The following ATP6V1G1 variants were observed in gnomAD, a reference collection of about 807,000 sequenced individuals.
ATP6V1G1 encodes ATPase H+ transporting V1 subunit G1, also known as V-type proton ATPase subunit G 1.
ATP6V1G1 carries 14 observed loss-of-function variants against 14.2 expected under a neutral mutation model. The ratio of observed to expected loss-of-function variants is 0.99; its 90% CI spans 0.65 to 1.55. The LOEUF (loss-of-function observed/expected upper bound fraction) is 1.55. Among genes scored for constraint, ATP6V1G1 ranks in the 40% most tolerant of loss-of-function variants. ATP6V1G1 has a pLI of 0.00. For synonymous variants in ATP6V1G1, 65 were observed against 53.3 expected (o/e 1.22, Z -0.96); for missense variants, 137 against 146.4 (o/e 0.94, Z 0.33).
At chr9:114,593,119 A>C (rs1170772943) in intron 2 of ATP6V1G1, among the ~76,000 whole-genome samples, 1 of 152,242 alleles carries the variant, frequency 6.6e-6, no homozygotes, top group Non-Finnish European at 1.5e-5. Context: ...GATGTAGGCT[A>C]TACTATGGTG....
chr9:114,588,015 GGTGCGGGC>G, intron 1 of ATP6V1G1, 95 bp downstream of exon 1: 1 of 1,333,048 alleles, frequency 7.5e-7, no homozygotes, highest in Non-Finnish European at 1.0e-6. Flanking sequence ...AAAACTGCGG[GGTGCGGGC>G]GTGCGTATAG....
At chr9:114,596,569 T>G (rs1201731087) in intron 2 of ATP6V1G1, among the ~76,000 whole-genome samples, 1 of 152,146 alleles carries the variant, frequency 6.6e-6, no homozygotes, top group African/African-American at 2.4e-5. Flanking sequence ...ACTTAAGAAC[T>G]AAAACACTAA....
intron 2 of ATP6V1G1, among the ~76,000 whole-genome samples, chr9:114,594,391 T>C (rs1040710447): frequency 6.6e-6 from 1 of 151,180 alleles, no homozygotes; most frequent in African/African-American, 2.4e-5. Flanking sequence ...TTTTTTTTTT[T>C]TTTCCTGTCC....
In ATP6V1G1 at chr9:114,591,681, C is replaced by T. The variant is rs78843556; in HGVS notation, c.83-871C>T. Among the ~76,000 whole-genome samples the T allele has an allele frequency of 4.1e-4, 62 of 152,250 alleles. No homozygotes were observed. In the East Asian group the frequency reaches 0.011, roughly 28 times the overall value. On this transcript the variant is annotated intron_variant, in intron 1 of 2. Coordinates refer to ENST00000374050, the MANE Select transcript of ATP6V1G1 (RefSeq NM_004888.4). ...GGATGTGGAAGGTTAAGTTCATTTT[C>T]ACTCATTCGCGTGGACTCTAGACAG...
intron 2 of ATP6V1G1, among the ~76,000 whole-genome samples, chr9:114,597,054 G>A (rs1480851488): frequency 4.1e-5 from 6 of 145,016 alleles, no homozygotes; most frequent in South Asian, 4.5e-4. Flanking sequence ...GCAGTGGCGC[G>A]ATCTTGGCTC....
intron 2 of ATP6V1G1, among the ~76,000 whole-genome samples, chr9:114,594,743 G>C (rs1172055713): frequency 6.6e-6 from 1 of 151,980 alleles, no homozygotes; most frequent in African/African-American, 2.4e-5. Flanking sequence ...AGGTCCCAAT[G>C]ACATGTGCCC....
In ATP6V1G1 at chr9:114,598,382, C is replaced by T. The variant is rs1327671293; in HGVS notation, c.*639C>T. ...AAAGACTCTGTCATGCATTTTTCCC[C>T]ATTCTTTTTTTTTTCCCTGTCTCCG... is the stretch of plus-strand genomic sequence containing the variant. On this transcript the variant is annotated 3_prime_UTR_variant, in exon 3 of 3. Coordinates refer to ENST00000374050, the MANE Select transcript of ATP6V1G1 (RefSeq NM_004888.4). The T allele has an allele frequency of 6.6e-6, 1 of 152,296 alleles. No homozygotes were observed. Among genetic ancestry groups the T allele is most frequent in the East Asian group, 1.9e-4 (1 of 5,152 alleles). 9.4% of individuals were successfully genotyped at this position (152,296 alleles called of 1,614,324 possible). A position where few individuals can be genotyped will look rare whatever the true frequency, so the allele number is the denominator to read the frequency against.
At chr9:114,588,256 A>G (rs1191631902) in intron 1 of ATP6V1G1, 1 of 278,066 alleles carries the variant, frequency 3.6e-6, no homozygotes, top group Non-Finnish European at 6.7e-6. Context: ...CGGTGAAGGG[A>G]GCCAGCATCC....
At chr9:114,595,425 G>A (rs986101019) in intron 2 of ATP6V1G1, among the ~76,000 whole-genome samples, 5 of 152,174 alleles carry the variant, frequency 3.3e-5, no homozygotes, top group African/African-American at 1.2e-4. Context: ...GCCAAGGTGG[G>A]TGGATCGTTT....
chr9:114,589,261 G>C (rs1845159968), intron 1 of ATP6V1G1, among the ~76,000 whole-genome samples: 1 of 152,280 alleles, frequency 6.6e-6, no homozygotes, highest in South Asian at 2.1e-4. Context: ...TAAGCTTCTG[G>C]AGAACAGAAA....
At position 114,592,609 on chromosome 9, in the gene ATP6V1G1, A is replaced by G. The variant is rs1338438652; in HGVS notation, c.140A>G (p.Tyr47Cys). ...GAAGCTCAGGCTGAAATTGAACAGT[A>G]CCGCCTGCAGAGGGAGAAAGAATTC... ...KEEAQAEIEQ[Y>C]RLQREKEFKA... is the part of the protein sequence containing the mutation. Residue 47 changes from tyrosine to cysteine, a missense_variant, in exon 2 of 3, where the codon TAC becomes TGC. By Grantham distance (194) the Tyr-to-Cys change is radical. Coordinates refer to ENST00000374050, the MANE Select transcript of ATP6V1G1 (RefSeq NM_004888.4). The G allele has an allele frequency of 3.2e-6, 5 of 1,577,930 alleles. No individual in the cohort carries two copies. Among genetic ancestry groups the G allele is most frequent in the Non-Finnish European group, 4.3e-6 (5 of 1,160,932 alleles).
At chr9:114,589,370 A>G (rs749392734) in intron 1 of ATP6V1G1, among the ~76,000 whole-genome samples, 4 of 152,212 alleles carry the variant, frequency 2.6e-5, no homozygotes, top group African/African-American at 9.6e-5. Context: ...TCAGAGAGAA[A>G]TGATTTATCC....
At chr9:114,588,436 GGCGTGTGT>G (rs143566536) in intron 1 of ATP6V1G1, among the ~76,000 whole-genome samples, 15,243 of 151,686 alleles carry the variant, frequency 0.1, 931 homozygotes, top group East Asian at 0.36. Context: ...CTAAATCGTT[GGCGTGTGT>G]GCGTGTGTGT....
At chr9:114,597,215 C>T (rs1845248871) in intron 2 of ATP6V1G1, among the ~76,000 whole-genome samples, 1 of 152,012 alleles carries the variant, frequency 6.6e-6, no homozygotes, top group African/African-American at 2.4e-5. Flanking sequence ...TGGTCTCGAT[C>T]TCCTGACCTC....
intron 2 of ATP6V1G1, among the ~76,000 whole-genome samples, chr9:114,593,663 AT>A (rs368232050): frequency 8.4e-4 from 125 of 149,600 alleles, no homozygotes; most frequent in African/African-American, 2.3e-3. Context: ...TGCTCAGCTA[AT>A]TTTTTTTTTG....
At position 114,597,725 on chromosome 9, in the gene ATP6V1G1, C is replaced by A; in HGVS notation, c.339C>A (p.Asn113Lys). Residue 113 changes from asparagine (N) to lysine (K), a missense_variant, in exon 3 of 3, where the codon AAC (asparagine) becomes AAA (lysine). Coordinates refer to ENST00000374050, the MANE Select transcript of ATP6V1G1 (RefSeq NM_004888.4). ...ACATTCGGCCAGAAATCCATGAAAA[C>A]TACCGCATAAATGGATAGAAGAGAG... ...VCDIRPEIHE[N>K]YRING The A allele has an allele frequency of 6.3e-7, 1 of 1,587,748 alleles. No homozygotes were observed. The highest frequency in any genetic ancestry group is 2.3e-5 in the East Asian group (1 of 43,250).
chr9:114,596,164 A>C (rs1437075165), intron 2 of ATP6V1G1, among the ~76,000 whole-genome samples: 1 of 152,092 alleles, frequency 6.6e-6, no homozygotes, highest in African/African-American at 2.4e-5. Flanking sequence ...CAGATGGATC[A>C]TGAGGTCAGG....
In ATP6V1G1 at chr9:114,596,973, T is replaced by TATATAGCAG. The variant is rs1407997395; in HGVS notation, c.184-594_184-586dup. Among the ~76,000 whole-genome samples, 689 of 151,050 alleles carry TATATAGCAG rather than the reference T, an allele frequency of 4.6e-3. 9 individuals are homozygous for TATATAGCAG. Among genetic ancestry groups the TATATAGCAG allele is most frequent in the African/African-American group, 0.016 (641 of 41,138 alleles). On this transcript the variant is annotated intron_variant, in intron 2 of 2. Transcript: ENST00000374050. ...GTTGATTCCTATCTTTGGTTAAGGCTATATAGCAGATTCTTTTTTTTTTTT... is the reference window on the plus strand; with the variant it reads ...GTTGATTCCTATCTTTGGTTAAGGCTATATAGCAGATATAGCAGATTCTTTTTTTTTTTT...
At chr9:114,595,457 G>A (rs751970262) in intron 2 of ATP6V1G1, among the ~76,000 whole-genome samples, 2 of 152,176 alleles carry the variant, frequency 1.3e-5, no homozygotes, top group Middle Eastern at 6.8e-3. Flanking sequence ...TTCAAGACCT[G>A]CCTGGGCAAC....
Sources: allele counts gnomAD v4.1 joint callset (sites outside exome capture counted in the v4.1 genomes callset), GRCh38; gene constraint gnomAD v4.1.1; transcripts MANE v1.5; gene names NCBI Gene and HGNC (gene_info 2026-07-23, HGNC 2026-07-21).